The following ACCSL variants were observed in gnomAD, a reference collection of about 807,000 sequenced individuals.
ACCSL encodes 1-aminocyclopropane-1-carboxylate synthase homolog (inactive) like.
In ACCSL, 55 loss-of-function variants were observed where a neutral mutation model predicts 61.7. That is an observed-to-expected ratio of 0.89 (90% CI 0.72 to 1.12). The LOEUF is 1.12. Ranked by LOEUF, ACCSL falls within the 50% of genes most tolerant of loss-of-function variation. The pLI is 0.00. For synonymous variants in ACCSL, 258 were observed against 264.3 expected (o/e 0.98, Z 0.23); for missense variants, 632 against 698.0 (o/e 0.91, Z 1.07).
At chr11:43,931,864 A>C in the ACCSL span, among the ~76,000 whole-genome samples, 1 of 152,234 alleles carries the variant, frequency 6.6e-6, no homozygotes, top group Non-Finnish European at 1.5e-5. Flanking sequence ...AGGCTGTCTC[A>C]AACAGGGTGC....
chr11:43,935,914 T>G, the ACCSL span, among the ~76,000 whole-genome samples: 1 of 152,132 alleles, frequency 6.6e-6, no homozygotes, highest in Non-Finnish European at 1.5e-5. Context: ...GGTGAGGCCA[T>G]GTAGCCTGTC....
rs1470326123 is a variant in ACCSL, at chr11:44,055,145, A to G, written c.1050-57A>G. The G allele has an allele frequency of 5.5e-6, 7 of 1,273,448 alleles. No homozygotes were observed. The African/African-American group carries it at 7.4e-5, about 13-fold the overall frequency. The allele number at this position is 1,273,448 out of a possible 1,614,324, so 78.9% of individuals were successfully genotyped here. On this transcript the variant is annotated intron_variant, in intron 8 of 13. Transcript: ENST00000378832. ...AAAGATGCTTGTAAAAAGCATGCAA[A>G]GAAAAAAGATTAGAGAGAAGCTAGA... is the stretch of plus-strand genomic sequence containing the variant.
the ACCSL span, among the ~76,000 whole-genome samples, chr11:44,008,478 CCTT>C: frequency 1.3e-5 from 2 of 152,212 alleles, no homozygotes; most frequent in South Asian, 2.1e-4. Flanking sequence ...CAGGGGCTGT[CCTT>C]CTTCTGTCGT....
the ACCSL span, chr11:43,971,457 G>A: frequency 6.6e-6 from 1 of 152,180 alleles, no homozygotes; most frequent in Non-Finnish European, 1.5e-5. Flanking sequence ...GGAAACTGAG[G>A]CTGAGAGGGA....
At chr11:43,992,938 C>T in the ACCSL span, among the ~76,000 whole-genome samples, 1 of 152,190 alleles carries the variant, frequency 6.6e-6, no homozygotes, top group Non-Finnish European at 1.5e-5. Flanking sequence ...TGGCTGCACC[C>T]TTATTCAGGT....
chr11:44,014,912 C>T, the ACCSL span, among the ~76,000 whole-genome samples: 4 of 152,228 alleles, frequency 2.6e-5, no homozygotes, highest in African/African-American at 7.2e-5. Flanking sequence ...ACAGACATCT[C>T]GTGGGCCTCA....
the ACCSL span, among the ~76,000 whole-genome samples, chr11:43,982,226 CTTTTTTTTTTT>C: frequency 2.3e-5 from 2 of 86,324 alleles, no homozygotes; most frequent in South Asian, 4.7e-4. Context: ...CCAAGGCCCT[CTTTTTTTTTTT>C]TTTTTTTTTT....
the ACCSL span, among the ~76,000 whole-genome samples, chr11:43,988,820 T>C: frequency 6.5e-3 from 944 of 146,078 alleles, 8 homozygotes; most frequent in African/African-American, 0.022. Context: ...TTTTTTTTTT[T>C]TTTTTTTTTT....
At chr11:43,961,176 T>C in the ACCSL span, among the ~76,000 whole-genome samples, 1 of 152,210 alleles carries the variant, frequency 6.6e-6, no homozygotes, top group South Asian at 2.1e-4. Flanking sequence ...AGATGTTTTC[T>C]ATAGTACCTT....
chr11:43,935,063 G>C, the ACCSL span, among the ~76,000 whole-genome samples: 1 of 152,148 alleles, frequency 6.6e-6, no homozygotes, highest in Non-Finnish European at 1.5e-5. Context: ...CCCGGCACAG[G>C]CTGCTCTGGC....
intron 1 of ACCSL, among the ~76,000 whole-genome samples, chr11:44,049,309 A>G (rs893780353): frequency 6.7e-6 from 1 of 149,332 alleles, no homozygotes; most frequent in Non-Finnish European, 1.5e-5. Flanking sequence ...AGTCCCAACT[A>G]TCTGGGAAGC....
At chr11:44,029,955 T>A in the ACCSL span, among the ~76,000 whole-genome samples, 2 of 150,464 alleles carry the variant, frequency 1.3e-5, no homozygotes, top group African/African-American at 2.4e-5. Flanking sequence ...CAAACCAGGG[T>A]CCCCTGGGCC....
the ACCSL span, among the ~76,000 whole-genome samples, chr11:43,997,811 G>T: frequency 0.013 from 1,931 of 152,308 alleles, 40 homozygotes; most frequent in African/African-American, 0.045. Flanking sequence ...TAGGTTAGGG[G>T]ATTCAGCAGT....
At chr11:43,961,806 AG>A in the ACCSL span, among the ~76,000 whole-genome samples, 1 of 152,092 alleles carries the variant, frequency 6.6e-6, no homozygotes, top group Admixed American at 6.5e-5. Flanking sequence ...TTCACACTTC[AG>A]CTATAACAGG....
At chr11:44,037,867 C>T in the ACCSL span, among the ~76,000 whole-genome samples, 1 of 149,376 alleles carries the variant, frequency 6.7e-6, no homozygotes, top group Non-Finnish European at 1.5e-5. Flanking sequence ...ATTCATCCAT[C>T]CATGCATCCA....
At chr11:43,950,441 G>A in the ACCSL span, among the ~76,000 whole-genome samples, 1 of 152,244 alleles carries the variant, frequency 6.6e-6, no homozygotes, top group African/African-American at 2.4e-5. Context: ...GTCTGTCTAT[G>A]CCAAAGGCAT....
chr11:43,940,744 A>G, the ACCSL span, among the ~76,000 whole-genome samples: 1 of 146,704 alleles, frequency 6.8e-6, no homozygotes, highest in Non-Finnish European at 1.5e-5. Context: ...GCTTTAGCCA[A>G]CAAGCCTCCT....
At chr11:43,970,349 G>T in the ACCSL span, among the ~76,000 whole-genome samples, 1 of 152,120 alleles carries the variant, frequency 6.6e-6, no homozygotes, top group African/African-American at 2.4e-5. Flanking sequence ...GGGACTACAG[G>T]TGCATGCCAT....
chr11:44,059,171 G>C (rs1952691218), intron 13 of ACCSL, among the ~76,000 whole-genome samples: 1 of 152,214 alleles, frequency 6.6e-6, no homozygotes, highest in African/African-American at 2.4e-5. Context: ...GAACCTGGGA[G>C]GTGGAGGTTG....
Sources: gnomAD v4.1 joint callset for allele counts (sites outside exome capture counted in the v4.1 genomes callset) on GRCh38, gnomAD v4.1.1 for gene constraint, MANE v1.5 for transcripts, NCBI Gene and HGNC (gene_info 2026-07-23, HGNC 2026-07-21) for gene names.